The following TAOK3 variants were observed in gnomAD, a reference collection of about 807,000 sequenced individuals.
TAOK3 encodes serine/threonine-protein kinase TAO3.
TAOK3 carries 40 observed loss-of-function variants against 120.4 expected under a neutral mutation model. That is an observed-to-expected ratio of 0.33 (90% confidence interval 0.26 to 0.43). TAOK3 has a LOEUF of 0.43. Among genes scored for constraint, TAOK3 ranks in the 20% least tolerant of loss-of-function variants. TAOK3 has a pLI of 1.00. For missense variants in TAOK3, 821 were observed against 1,112.1 expected (o/e 0.74, Z 3.72); for synonymous variants, 355 against 387.5 (o/e 0.92, Z 0.99).
chr12:118,170,619 C>T (rs113959748), intron 17 of TAOK3, among the ~76,000 whole-genome samples: 7 of 152,168 alleles, frequency 4.6e-5, no homozygotes, highest in African/African-American at 1.4e-4. Context: ...AAAAATTAAC[C>T]GGGCGTGGTG....
intron 1 of TAOK3, among the ~76,000 whole-genome samples, chr12:118,304,464 A>C (rs1459163805): frequency 6.6e-6 from 1 of 152,166 alleles, no homozygotes; most frequent in Non-Finnish European, 1.5e-5. Context: ...CTCTTCCTAG[A>C]CTTCTTCGTA....
intron 1 of TAOK3, among the ~76,000 whole-genome samples, chr12:118,302,203 A>G (rs1221094236): frequency 6.6e-6 from 1 of 152,212 alleles, no homozygotes; most frequent in Non-Finnish European, 1.5e-5. Context: ...TACTGACCAC[A>G]TCCATACTCT....
intron 17 of TAOK3, among the ~76,000 whole-genome samples, chr12:118,162,782 TTTTC>T (rs958733726): frequency 3.3e-5 from 5 of 152,036 alleles, no homozygotes; most frequent in Non-Finnish European, 4.4e-5. Context: ...TCTTTCTTCC[TTTTC>T]TTTCTTTCTT....
At chr12:118,214,578 C>CTTT (rs34183512) in intron 9 of TAOK3, among the ~76,000 whole-genome samples, 2 of 140,504 alleles carry the variant, frequency 1.4e-5, no homozygotes, top group Admixed American at 7.2e-5. Flanking sequence ...TAAAATGCAA[C>CTTT]TTTTTTTTTT....
intron 4 of TAOK3, among the ~76,000 whole-genome samples, chr12:118,243,830 C>G (rs1417501961): frequency 6.6e-6 from 1 of 152,034 alleles, no homozygotes; most frequent in African/African-American, 2.4e-5. Context: ...GCGTGCACCA[C>G]CAGACCAAAC....
intron 6 of TAOK3, among the ~76,000 whole-genome samples, chr12:118,238,656 C>A (rs2040118742): frequency 6.8e-6 from 1 of 146,676 alleles, no homozygotes; most frequent in Non-Finnish European, 1.5e-5. Flanking sequence ...TTTTTTGAGA[C>A]AGGGGTCTCA....
At position 118,160,739 on chromosome 12, in the gene TAOK3, C is replaced by T. The variant is rs1476712732; in HGVS notation, c.2140-381G>A. Among the ~76,000 whole-genome samples, 1 of 152,082 alleles carries T rather than the reference C, an allele frequency of 6.6e-6. No individual in the cohort carries two copies. Among genetic ancestry groups the T allele is most frequent in the Non-Finnish European group, 1.5e-5 (1 of 68,002 alleles). Reference sequence around the variant, plus strand: ...GTCTTCCATTGTTCATTGTTTTTCCCCCCTTTTTTTTTGTTTCTGTGTTTC... The same window carrying T: ...GTCTTCCATTGTTCATTGTTTTTCCTCCCTTTTTTTTTGTTTCTGTGTTTC... On this transcript the variant is annotated intron_variant, in intron 18 of 20. Transcript: ENST00000392533. The surrounding 1 kb of genome is among the most constrained non-coding windows in gnomAD (Gnocchi z 4.2).
chr12:118,177,537 T>C lies in TAOK3; in HGVS notation c.1567-208A>G, dbSNP rs1293960009. Among the ~76,000 whole-genome samples, 5 of 151,616 alleles carry C rather than the reference T, an allele frequency of 3.3e-5. 1 individual carries two copies. In the South Asian group the frequency reaches 8.3e-4, roughly 25 times the overall value. On this transcript the variant is annotated intron_variant, in intron 15 of 20. Coordinates refer to ENST00000392533, the MANE Select transcript of TAOK3 (RefSeq NM_016281.4). The stretch of plus-strand genomic sequence containing the variant: ...ACCAGAAATTTTCACCATTAATAAA[T>C]TCTGGGCTGGGTGCAGTGGCTCATA...
chr12:118,341,189 C>T (rs140282717), intron 1 of TAOK3, among the ~76,000 whole-genome samples: 4,924 of 151,970 alleles, frequency 0.032, 277 homozygotes, highest in East Asian at 0.25. Context: ...TTAGTAGAGA[C>T]AGGGTTTCGC....
chr12:118,264,943 A>C (rs1164513601), intron 2 of TAOK3, among the ~76,000 whole-genome samples: 1 of 152,084 alleles, frequency 6.6e-6, no homozygotes, highest in Non-Finnish European at 1.5e-5. Context: ...CTAAAGTGAG[A>C]GAATTCTTTT....
intron 2 of TAOK3, among the ~76,000 whole-genome samples, chr12:118,265,354 A>C (rs2140259012): frequency 7.0e-6 from 1 of 143,146 alleles, no homozygotes; most frequent in Non-Finnish European, 1.5e-5. Context: ...ATGCCACTCC[A>C]CTCCAGCCTG....
chr12:118,359,334 C>T (rs974377938), intron 1 of TAOK3, among the ~76,000 whole-genome samples: 1 of 152,144 alleles, frequency 6.6e-6, no homozygotes, highest in Non-Finnish European at 1.5e-5. Flanking sequence ...GAAAGTCTAT[C>T]AATGCTCACC....
intron 1 of TAOK3, among the ~76,000 whole-genome samples, chr12:118,330,592 C>T (rs996446719): frequency 6.6e-6 from 1 of 151,822 alleles, no homozygotes; most frequent in African/African-American, 2.4e-5. Flanking sequence ...AGGAAGTATA[C>T]TGAATGGCAG....
At chr12:118,192,360 A>G (rs765508285) in intron 13 of TAOK3, among the ~76,000 whole-genome samples, 3 of 152,218 alleles carry the variant, frequency 2.0e-5, no homozygotes, top group Non-Finnish European at 4.4e-5. Flanking sequence ...TTTAAATATA[A>G]TAATGCTAAT....
At position 118,293,939 on chromosome 12, in the gene TAOK3, C is replaced by T. The variant is rs564700900; in HGVS notation, c.-193-27180G>A. Among the ~76,000 whole-genome samples the T allele has an allele frequency of 7.9e-5, 12 of 151,730 alleles. No individual in the cohort carries two copies. In the Middle Eastern group the frequency reaches 0.014, roughly 172 times the overall value. On this transcript the variant is annotated intron_variant, in intron 1 of 20. Transcript: ENST00000392533. Reference sequence around the variant, plus strand: ...CTGAGGTAGGAGAATCGCTTGAACCCGGGAGGCAGAGGTTGCGGTGAGCCG... The same window carrying T: ...CTGAGGTAGGAGAATCGCTTGAACCTGGGAGGCAGAGGTTGCGGTGAGCCG...
Position 118,344,751 on chromosome 12 carries a change from C to T in TAOK3, c.-194+27897G>A, listed in dbSNP as rs147355394. Among the ~76,000 whole-genome samples the T allele has an allele frequency of 9.3e-4, 142 of 152,202 alleles. 1 individual carries two copies. The highest frequency in any genetic ancestry group is 3.0e-3 in the African/African-American group (124 of 41,532). On this transcript the variant is annotated intron_variant, in intron 1 of 20. Transcript: ENST00000392533. ...ATTAATAATATCACTGTTAAAAATA[C>T]TATTAACAGTGTTATGGCTTTAAAA...
At chr12:118,246,342 C>T (rs1003397285) in intron 3 of TAOK3, 3 of 1,605,586 alleles carry the variant, frequency 1.9e-6, no homozygotes, top group African/African-American at 2.7e-5. Flanking sequence ...CTTCTCCCTG[C>T]CCATTAAGGA....
rs768100596 is a variant in TAOK3, at chr12:118,181,446, C to T, written c.1491G>A (p.Val497=). 1.1e-5 allele frequency: 17 copies of T among 1,614,186 alleles called. No individual in the cohort carries two copies. Among genetic ancestry groups the T allele is most frequent in the African/African-American group, 4.0e-5 (3 of 75,050 alleles). Residue 497 remains valine, a synonymous_variant, in exon 15 of 21, where the codon GTG becomes GTA. Transcript: ENST00000392533. ...DEHRLKLQKE[V]ETHANNSSIE... is the part of the protein sequence containing the mutation. ...TGGACGAGTTGTTGGCATGCGTCTC[C>T]ACCTCCTTCTGTAGCTTGAGGCGGT...
intron 1 of TAOK3, among the ~76,000 whole-genome samples, chr12:118,341,271 G>A (rs1593617482): frequency 1.3e-5 from 2 of 151,904 alleles, no homozygotes; most frequent in East Asian, 1.9e-4. Context: ...AAAGTGCTGG[G>A]ATTACAGGAG....
Sources: allele counts gnomAD v4.1 joint callset (sites outside exome capture counted in the v4.1 genomes callset), GRCh38; gene constraint gnomAD v4.1.1; non-coding constraint Gnocchi (gnomAD v3.1); transcripts MANE v1.5; gene names NCBI Gene and HGNC (gene_info 2026-07-23, HGNC 2026-07-21).